The following RBFOX1 variants were observed in gnomAD, a reference collection of about 807,000 sequenced individuals.
RBFOX1 encodes the protein RNA binding protein fox-1 homolog 1.
RBFOX1 carries 8 observed loss-of-function variants against 57.7 expected under a neutral mutation model. The observed-to-expected ratio is 0.14, with a 90% CI of 0.08 to 0.25. The LOEUF is 0.25. Ranked by LOEUF, RBFOX1 falls within the 10% of genes least tolerant of loss-of-function variation. The pLI is 1.00. For missense variants in RBFOX1, 611 were observed against 548.5 expected (o/e 1.11, Z -1.14); for synonymous variants, 326 against 222.4 (o/e 1.47, Z -4.15).
At chr16:7,470,574 G>C (rs1207430173) in intron 4 of RBFOX1, among the ~76,000 whole-genome samples, 1 of 151,890 alleles carries the variant, frequency 6.6e-6, no homozygotes, top group Non-Finnish European at 1.5e-5. Flanking sequence ...ATGAGGTGAT[G>C]GATGGATGGA....
At chr16:6,497,593 G>T (rs1378193615) in intron 2 of RBFOX1, among the ~76,000 whole-genome samples, 2 of 150,540 alleles carry the variant, frequency 1.3e-5, no homozygotes, top group Non-Finnish European at 2.9e-5. Flanking sequence ...TTTTGCTCTT[G>T]TCACCCAGGC....
chr16:6,378,861 G>T lies in RBFOX1; in HGVS notation c.-64+61804G>T, dbSNP rs60659749. Among the ~76,000 whole-genome samples, 489 of 152,216 alleles carry T rather than the reference G, an allele frequency of 3.2e-3. 4 individuals carry two copies. The highest frequency in any genetic ancestry group is 0.01 in the African/African-American group (433 of 41,528). On this transcript the variant is annotated intron_variant, in intron 2 of 15. Transcript: ENST00000550418. ...TTACTCTTCCTAGAGTGTGCAAAAC[G>T]GATTGCAGGGATGGTGAGAGGTGGG...
At chr16:7,315,465 C>CCCA (rs965586275) in intron 4 of RBFOX1, among the ~76,000 whole-genome samples, 5 of 151,808 alleles carry the variant, frequency 3.3e-5, no homozygotes, top group African/African-American at 1.2e-4. Context: ...TACCCCCCCC[C>CCCA]CCATACTGGG....
At chr16:6,804,697 C>T (rs1423095133) in intron 3 of RBFOX1, among the ~76,000 whole-genome samples, 1 of 152,156 alleles carries the variant, frequency 6.6e-6, no homozygotes, top group East Asian at 1.9e-4. Context: ...GTGCTGACCT[C>T]ACACATGACT....
chr16:6,948,249 T>G (rs539785735), intron 3 of RBFOX1, among the ~76,000 whole-genome samples: 1 of 152,164 alleles, frequency 6.6e-6, no homozygotes, highest in African/African-American at 2.4e-5. Context: ...CTGGGCAATA[T>G]TATGAGACCA....
chr16:5,755,717 G>A (rs1037357138), intron 3 of RBFOX1, among the ~76,000 whole-genome samples: 1 of 152,142 alleles, frequency 6.6e-6, no homozygotes, highest in Admixed American at 6.5e-5. Context: ...TCCTGACTCG[G>A]CCTCCGAAGT....
downstream of RBFOX1, among the ~76,000 whole-genome samples, chr16:5,603,114 C>G (rs2047421784): frequency 6.6e-6 from 1 of 152,196 alleles, no homozygotes; most frequent in African/African-American, 2.4e-5. Context: ...GTCAGCTCTA[C>G]TTTTTCTGAC....
intron 1 of RBFOX1, among the ~76,000 whole-genome samples, chr16:6,285,993 T>C (rs1264575660): frequency 6.6e-6 from 1 of 152,230 alleles, no homozygotes; most frequent in African/African-American, 2.4e-5. Context: ...GCCAAGCTAA[T>C]ATTGTTAGAG....
intron 2 of RBFOX1, among the ~76,000 whole-genome samples, chr16:6,406,772 GT>G (rs1441488318): frequency 6.6e-6 from 1 of 152,150 alleles, no homozygotes; most frequent in East Asian, 1.9e-4. Context: ...ATAAGGTTAT[GT>G]GGAGGCTACC....
At chr16:6,783,591 T>C (rs907784743) in intron 3 of RBFOX1, among the ~76,000 whole-genome samples, 9 of 152,126 alleles carry the variant, frequency 5.9e-5, no homozygotes, top group African/African-American at 1.4e-4. Context: ...TCTGTCTTTT[T>C]TACTGTCTTT....
chr16:6,896,842 G>T (rs1046377575), intron 3 of RBFOX1, among the ~76,000 whole-genome samples: 3 of 152,170 alleles, frequency 2.0e-5, no homozygotes, highest in Non-Finnish European at 4.4e-5. Flanking sequence ...AAGATTGCAG[G>T]TAATATAAAA....
At chr16:6,629,512 TA>T (rs2098356360) in intron 2 of RBFOX1, among the ~76,000 whole-genome samples, 1 of 152,208 alleles carries the variant, frequency 6.6e-6, no homozygotes, top group Non-Finnish European at 1.5e-5. Flanking sequence ...AAAAATGGGT[TA>T]TACTTTCATC....
At chr16:7,479,382 G>C (rs914083985) in intron 4 of RBFOX1, among the ~76,000 whole-genome samples, 2 of 152,006 alleles carry the variant, frequency 1.3e-5, no homozygotes, top group African/African-American at 4.8e-5. Context: ...CCTCTGGCTT[G>C]GCCTCCCAAA....
At chr16:6,258,292 T>C (rs2097681064) in intron 1 of RBFOX1, among the ~76,000 whole-genome samples, 1 of 152,148 alleles carries the variant, frequency 6.6e-6, no homozygotes. Flanking sequence ...CAGAAGTGAT[T>C]ATGCTTGAAG....
chr16:7,045,060 G>A (rs947724130), intron 3 of RBFOX1, among the ~76,000 whole-genome samples: 2 of 152,086 alleles, frequency 1.3e-5, no homozygotes, highest in African/African-American at 2.4e-5. Context: ...CTTTCTTCAC[G>A]GAAGATGTGA....
chr16:5,461,096 T>A (rs1481765363), intron 1 of RBFOX1, among the ~76,000 whole-genome samples: 2 of 152,194 alleles, frequency 1.3e-5, no homozygotes, highest in East Asian at 3.9e-4. Context: ...GCATTCTTGG[T>A]GTGCCTTCTA....
intron 14 of RBFOX1, among the ~76,000 whole-genome samples, chr16:7,699,131 C>T (rs1177121403): frequency 2.6e-5 from 4 of 152,194 alleles, no homozygotes; most frequent in Admixed American, 2.0e-4. Context: ...TAACAAGTTG[C>T]CCCAGATAAT....
intron 1 of RBFOX1, among the ~76,000 whole-genome samples, chr16:6,131,634 C>T (rs60601922): frequency 0.013 from 2,030 of 152,246 alleles, 45 homozygotes; most frequent in African/African-American, 0.046. Context: ...CAAGATTCAC[C>T]ATATCAACAT....
intron 4 of RBFOX1, among the ~76,000 whole-genome samples, chr16:7,394,090 G>A (rs1411874239): frequency 6.6e-6 from 1 of 151,866 alleles, no homozygotes; most frequent in Non-Finnish European, 1.5e-5. Flanking sequence ...ACCAAAATTA[G>A]CCGGGTGTCC....
Sources: gnomAD v4.1 joint callset for allele counts (sites outside exome capture counted in the v4.1 genomes callset) on GRCh38, gnomAD v4.1.1 for gene constraint, MANE v1.5 for transcripts, NCBI Gene and HGNC (gene_info 2026-07-23, HGNC 2026-07-21) for gene names.